The following NALF1 variants were observed in gnomAD, a reference collection of about 807,000 sequenced individuals.
NALF1 encodes the protein family with sequence similarity 155 member A.
A neutral mutation model predicts 48.4 loss-of-function variants in NALF1; 3 were observed. That is an observed-to-expected ratio of 0.06 (90% CI 0.03 to 0.16). NALF1 has a LOEUF of 0.16. NALF1 is among the 10% of genes least tolerant of loss of function. The pLI is 1.00. For synonymous variants in NALF1, 262 were observed against 245.7 expected (o/e 1.07, Z -0.62); for missense variants, 526 against 571.5 (o/e 0.92, Z 0.81).
rs1349359112 is a variant in NALF1 at position 107,165,458 on chromosome 13, A to G, written c.*5039T>C. The G allele has an allele frequency of 6.6e-6, 1 of 152,202 alleles. No individual in the cohort carries two copies. Among genetic ancestry groups the G allele is most frequent in the Non-Finnish European group, 1.5e-5 (1 of 68,044 alleles). The allele number at this position is 152,202 out of a possible 1,614,324, so 9.4% of individuals were successfully genotyped here. On this transcript the variant is annotated 3_prime_UTR_variant, in exon 3 of 3. Coordinates refer to ENST00000375915, the MANE Select transcript of NALF1 (RefSeq NM_001080396.3). ...TTACCTACCTGTGTGACCCAGGACA[A>G]AATAACCAGGTGATTTTCTTCTGAG...
chr13:107,607,642 A>G (rs1284014747), intron 1 of NALF1, among the ~76,000 whole-genome samples: 1 of 152,102 alleles, frequency 6.6e-6, no homozygotes, highest in Non-Finnish European at 1.5e-5. Context: ...CTGCTCTGTG[A>G]TATCGGGGTG....
At chr13:107,297,372 C>A (rs777980851) in intron 1 of NALF1, among the ~76,000 whole-genome samples, 6 of 152,096 alleles carry the variant, frequency 3.9e-5, no homozygotes, top group Non-Finnish European at 7.4e-5. Flanking sequence ...TCATTGAGAT[C>A]TTGTACAATT....
intron 1 of NALF1, among the ~76,000 whole-genome samples, chr13:107,241,249 G>T (rs1180261313): frequency 6.6e-6 from 1 of 151,848 alleles, no homozygotes; most frequent in Non-Finnish European, 1.5e-5. Context: ...TTCCAGCATA[G>T]CCAAAAGCCT....
Position 107,696,551 on chromosome 13 carries a change from A to AGTGTGTGT in NALF1, c.915+169123_915+169130dup, listed in dbSNP as rs58345595. ...TGAAGTACTTAACATCTCCAAGTTG[A>AGTGTGTGT]GTGTGTGTGTGTGTGTGTGTGTGTG... is the stretch of plus-strand genomic sequence containing the variant. On this transcript the variant is annotated intron_variant, in intron 1 of 2. Transcript: ENST00000375915. Among the ~76,000 whole-genome samples the AGTGTGTGT allele has an allele frequency of 6.0e-4, 88 of 146,922 alleles. 1 individual carries two copies. Among genetic ancestry groups the AGTGTGTGT allele is most frequent in the Middle Eastern group, 3.5e-3 (1 of 282 alleles).
intron 1 of NALF1, among the ~76,000 whole-genome samples, chr13:107,455,329 T>G (rs1884806453): frequency 6.6e-6 from 1 of 152,008 alleles, no homozygotes; most frequent in South Asian, 2.1e-4. Context: ...ATCAGACACC[T>G]CAAAAATTCT....
intron 1 of NALF1, among the ~76,000 whole-genome samples, chr13:107,257,400 C>T (rs1171751912): frequency 6.6e-6 from 1 of 152,024 alleles, no homozygotes; most frequent in Non-Finnish European, 1.5e-5. Context: ...ATACTTGATC[C>T]ATCTAACATA....
At chr13:107,239,249 A>G (rs80114221) in intron 1 of NALF1, among the ~76,000 whole-genome samples, 8,832 of 152,244 alleles carry the variant, frequency 0.058, 297 homozygotes, top group African/African-American at 0.069. Context: ...CCAAAACTGA[A>G]GCGCCGACAG....
At chr13:107,303,980 T>C (rs559255767) in intron 1 of NALF1, among the ~76,000 whole-genome samples, 2 of 152,332 alleles carry the variant, frequency 1.3e-5, no homozygotes, top group East Asian at 1.9e-4. Flanking sequence ...CAGTTTTTCA[T>C]TCAAGATGTA....
chr13:107,637,860 TTC>T (rs769543770), intron 1 of NALF1, among the ~76,000 whole-genome samples: 3 of 152,122 alleles, frequency 2.0e-5, no homozygotes, highest in Admixed American at 1.3e-4. Flanking sequence ...GACCATCCCA[TTC>T]TCTGTCTACC....
intron 1 of NALF1, among the ~76,000 whole-genome samples, chr13:107,654,451 T>C (rs1196654634): frequency 6.6e-6 from 1 of 152,056 alleles, no homozygotes; most frequent in African/African-American, 2.4e-5. Flanking sequence ...GCCAGGAATA[T>C]ATAGAATCTC....
intron 1 of NALF1, among the ~76,000 whole-genome samples, chr13:107,534,222 T>C (rs1876731619): frequency 6.6e-6 from 1 of 152,090 alleles, no homozygotes; most frequent in South Asian, 2.1e-4. Context: ...TTCAGATGAC[T>C]CTGGAAAGTA....
At chr13:107,682,708 G>T (rs1162329060) in intron 1 of NALF1, among the ~76,000 whole-genome samples, 1 of 151,906 alleles carries the variant, frequency 6.6e-6, no homozygotes, top group Non-Finnish European at 1.5e-5. Flanking sequence ...TTCTGCGAGG[G>T]CCAGCCAGCC....
chr13:107,854,478 C>A (rs1250746719), intron 1 of NALF1, among the ~76,000 whole-genome samples: 1 of 152,224 alleles, frequency 6.6e-6, no homozygotes, highest in African/African-American at 2.4e-5. Context: ...TTAAGATTCA[C>A]ATTGACCTTT....
chr13:107,330,181 A>C (rs758317738), intron 1 of NALF1, among the ~76,000 whole-genome samples: 1 of 152,170 alleles, frequency 6.6e-6, no homozygotes, highest in Non-Finnish European at 1.5e-5. Context: ...GTCTGACTGG[A>C]ACACTTGTGG....
rs34486058 is a variant in NALF1 at position 107,555,439 on chromosome 13, A to ATTTTTT, written c.915+310237_915+310242dup. Among the ~76,000 whole-genome samples the ATTTTTT allele has an allele frequency of 1.1e-3, 76 of 69,954 alleles. 2 individuals are homozygous for ATTTTTT. Among genetic ancestry groups the ATTTTTT allele is most frequent in the African/African-American group, 2.7e-3 (49 of 18,264 alleles). The allele number at this position is 69,954 out of a possible 152,430, so 45.9% of individuals were successfully genotyped here. On this transcript the variant is annotated intron_variant, in intron 1 of 2. Transcript: ENST00000375915. ...AGGTTCCTGCCACCAAGCCTGGCTA[A>ATTTTTT]TTTTTTTTTTTTTTTTTTTTTTTTT...
At chr13:107,201,239 A>G (rs1463045082) in intron 2 of NALF1, among the ~76,000 whole-genome samples, 1 of 152,156 alleles carries the variant, frequency 6.6e-6, no homozygotes, top group African/African-American at 2.4e-5. Context: ...CTCTCAATGT[A>G]TAGGCACATA....
chr13:107,636,196 G>A (rs1431116993), intron 1 of NALF1, among the ~76,000 whole-genome samples: 1 of 152,094 alleles, frequency 6.6e-6, no homozygotes, highest in East Asian at 1.9e-4. Flanking sequence ...CAGCGAAGAA[G>A]CAGAAGCTGT....
chr13:107,531,724 T>G (rs1395681770), intron 1 of NALF1, among the ~76,000 whole-genome samples: 3 of 152,104 alleles, frequency 2.0e-5, no homozygotes, highest in Non-Finnish European at 4.4e-5. Flanking sequence ...TATCTCAGTA[T>G]GCTCATCTTC....
intron 1 of NALF1, among the ~76,000 whole-genome samples, chr13:107,783,934 T>A (rs1482718709): frequency 1.3e-5 from 2 of 151,690 alleles, no homozygotes; most frequent in African/African-American, 4.8e-5. Context: ...TGCACTCACT[T>A]CTTCTTCTAC....
Sources: gnomAD v4.1 joint callset for allele counts (sites outside exome capture counted in the v4.1 genomes callset) on GRCh38, gnomAD v4.1.1 for gene constraint, MANE v1.5 for transcripts, NCBI Gene and HGNC (gene_info 2026-07-23, HGNC 2026-07-21) for gene names.